Variants in MAPRE2 observed in about 807,000 individuals in gnomAD.
The protein encoded by MAPRE2 is microtubule associated protein RP/EB family member 2.
A neutral mutation model predicts 43.2 loss-of-function variants in MAPRE2; 13 were observed. That is an observed-to-expected ratio of 0.30 (90% CI 0.20 to 0.48). The LOEUF (loss-of-function observed/expected upper bound fraction) is 0.48, where lower values mean the gene tolerates loss of function less well. MAPRE2 is among the 20% of genes least tolerant of loss of function. The pLI, the probability that MAPRE2 is intolerant of heterozygous loss-of-function variation, is 0.99. For missense variants in MAPRE2, 161 were observed against 400.2 expected (o/e 0.40, Z 5.10); for synonymous variants, 135 against 148.8 (o/e 0.91, Z 0.68).
chr18:35,131,979 G>A, intron 5 of MAPRE2, 53 bp from the exon 6 acceptor site: 1 of 1,575,490 alleles, frequency 6.3e-7, no homozygotes, highest in South Asian at 1.1e-5. Flanking sequence ...TGCTGGTCAT[G>A]TCTTATACTA....
At chr18:35,021,673 A>C (rs527536289) in intron 2 of MAPRE2, among the ~76,000 whole-genome samples, 1 of 152,224 alleles carries the variant, frequency 6.6e-6, no homozygotes, top group African/African-American at 2.4e-5. Flanking sequence ...AATCAATTGG[A>C]CTTAGTGTGG....
intron 1 of MAPRE2, among the ~76,000 whole-genome samples, chr18:35,003,034 C>T (rs7236231): frequency 0.85 from 129,812 of 152,140 alleles, 55,599 homozygotes; most frequent in East Asian, 0.99. Flanking sequence ...TCTTACATTT[C>T]ACATTTATGC....
chr18:35,035,136 G>C (rs2097049853), intron 2 of MAPRE2, among the ~76,000 whole-genome samples: 1 of 151,944 alleles, frequency 6.6e-6, no homozygotes, highest in African/African-American at 2.4e-5. Context: ...TGATAGACTG[G>C]ATTAAGAAAA....
intron 1 of MAPRE2, among the ~76,000 whole-genome samples, chr18:34,986,278 C>G (rs988411582): frequency 1.3e-5 from 2 of 152,094 alleles, no homozygotes; most frequent in Admixed American, 1.3e-4. Context: ...CCACCTTGAA[C>G]GTTCCTTCCT....
intron 2 of MAPRE2, among the ~76,000 whole-genome samples, chr18:35,081,348 G>A (rs563083872): frequency 6.6e-6 from 1 of 152,118 alleles, no homozygotes; most frequent in Non-Finnish European, 1.5e-5. Context: ...GTATATTTTG[G>A]GATTAACCTG....
chr18:34,986,918 A>G (rs1028189123), intron 1 of MAPRE2, among the ~76,000 whole-genome samples: 1 of 152,150 alleles, frequency 6.6e-6, no homozygotes, highest in African/African-American at 2.4e-5. Flanking sequence ...CAGCAATCCT[A>G]CTTTTATGAT....
chr18:35,067,015 T>C (rs1369594543), intron 1 of MAPRE2, among the ~76,000 whole-genome samples: 1 of 152,226 alleles, frequency 6.6e-6, no homozygotes, highest in Non-Finnish European at 1.5e-5. Context: ...TTTTAGGAAA[T>C]GGTGAAAAAT....
At chr18:35,025,387 C>A (rs912437717) in intron 2 of MAPRE2, among the ~76,000 whole-genome samples, 13 of 152,224 alleles carry the variant, frequency 8.5e-5, no homozygotes, top group Non-Finnish European at 1.5e-4. Flanking sequence ...TTCTAACCAT[C>A]AATAGGAAAT....
upstream of MAPRE2, among the ~76,000 whole-genome samples, chr18:35,037,535 A>G (rs1017695433): frequency 6.6e-6 from 1 of 152,168 alleles, no homozygotes; most frequent in Non-Finnish European, 1.5e-5. Context: ...AGGCAGTTGG[A>G]GGTGAAGGGC....
intron 6 of MAPRE2, among the ~76,000 whole-genome samples, chr18:35,133,803 C>T (rs1457816132): frequency 2.0e-5 from 3 of 152,142 alleles, no homozygotes; most frequent in African/African-American, 4.8e-5. Context: ...GGTGGACAGC[C>T]TCAGGCAAGA....
At chr18:35,000,811 C>G (rs1175168869) in intron 1 of MAPRE2, among the ~76,000 whole-genome samples, 2 of 152,152 alleles carry the variant, frequency 1.3e-5, no homozygotes, top group South Asian at 4.1e-4. Flanking sequence ...TCTTTCCAAA[C>G]GCGAAGGGGG....
At chr18:35,137,001 G>A (rs779550969) in intron 6 of MAPRE2, among the ~76,000 whole-genome samples, 54 of 152,324 alleles carry the variant, frequency 3.5e-4, no homozygotes, top group South Asian at 2.3e-3. Flanking sequence ...ATGGGTTTAA[G>A]TTCTTCATTC....
intron 1 of MAPRE2, among the ~76,000 whole-genome samples, chr18:34,991,288 C>A (rs2097023638): frequency 6.6e-6 from 1 of 152,124 alleles, no homozygotes; most frequent in African/African-American, 2.4e-5. Flanking sequence ...TTAGCTCCCA[C>A]TTCTAAGTGA....
chr18:35,139,273 T>C (rs1272462748), intron 6 of MAPRE2, among the ~76,000 whole-genome samples: 1 of 152,136 alleles, frequency 6.6e-6, no homozygotes, highest in Non-Finnish European at 1.5e-5. Flanking sequence ...CATGGGCACT[T>C]CCATATGTCC....
At chr18:35,021,151 A>T (rs2097041715) in intron 2 of MAPRE2, among the ~76,000 whole-genome samples, 1 of 152,194 alleles carries the variant, frequency 6.6e-6, no homozygotes, top group Admixed American at 6.6e-5. Flanking sequence ...AGGAAGAAAG[A>T]TAAGCTAGGG....
intron 2 of MAPRE2, among the ~76,000 whole-genome samples, chr18:35,083,216 C>G (rs1045423851): frequency 7.2e-5 from 11 of 152,088 alleles, no homozygotes; most frequent in African/African-American, 2.4e-4. Context: ...TTTAATCAAT[C>G]CTTTAAAAAA....
intron 5 of MAPRE2, among the ~76,000 whole-genome samples, chr18:35,129,002 T>C (rs34957702): frequency 0.031 from 4,788 of 152,176 alleles, 109 homozygotes; most frequent in South Asian, 0.082. Context: ...CACTAAACCA[T>C]GCTACCATCC....
At chr18:35,061,912 C>A (rs980863556) in intron 1 of MAPRE2, among the ~76,000 whole-genome samples, 1 of 152,188 alleles carries the variant, frequency 6.6e-6, no homozygotes, top group Non-Finnish European at 1.5e-5. Context: ...GATATTCTTT[C>A]CTTGGGTGAA....
intron 1 of MAPRE2, among the ~76,000 whole-genome samples, chr18:35,059,154 A>G (rs1305477732): frequency 6.6e-6 from 1 of 152,214 alleles, no homozygotes; most frequent in Non-Finnish European, 1.5e-5. Flanking sequence ...TAGTGAAGAA[A>G]AGGAGATCCC....
Sources: gnomAD v4.1 joint callset for allele counts (sites outside exome capture counted in the v4.1 genomes callset) on GRCh38, gnomAD v4.1.1 for gene constraint, MANE v1.5 for transcripts, NCBI Gene and HGNC (gene_info 2026-07-23, HGNC 2026-07-21) for gene names.